Variants in PXK observed in about 807,000 individuals in gnomAD.
The protein encoded by PXK is PX domain-containing protein kinase-like protein.
A neutral mutation model predicts 84.7 loss-of-function variants in PXK; 35 were observed. The observed-to-expected ratio is 0.41, with a 90% CI of 0.32 to 0.55. The LOEUF is 0.55. PXK is among the 20% of genes least tolerant of loss of function. The probability of loss-of-function intolerance (pLI) is 0.21; values close to 1 mark genes in which losing one functional copy is unlikely to be tolerated. For missense variants in PXK, 634 were observed against 699.7 expected, an observed-to-expected ratio of 0.91 and a Z score of 1.06; for synonymous variants, 253 against 260.8, an observed-to-expected ratio of 0.97 and a Z score of 0.29.
chr3:58,406,178 G>A (rs1172615561), intron 13 of PXK, among the ~76,000 whole-genome samples: 2 of 152,080 alleles, frequency 1.3e-5, no homozygotes, highest in African/African-American at 2.4e-5. Flanking sequence ...TGTTGGTCAG[G>A]CTGGTCTCGA....
At chr3:58,372,564 T>G (rs2098390787) in intron 3 of PXK, among the ~76,000 whole-genome samples, 1 of 151,818 alleles carries the variant, frequency 6.6e-6, no homozygotes, top group African/African-American at 2.4e-5. Context: ...CCTTGTGATC[T>G]GCCTGCCTCG....
At chr3:58,394,115 G>A (rs1457887333) in intron 7 of PXK, among the ~76,000 whole-genome samples, 1 of 152,172 alleles carries the variant, frequency 6.6e-6, no homozygotes, top group Non-Finnish European at 1.5e-5. Context: ...ATGATCAGGA[G>A]AACTTCATGA....
At chr3:58,345,259 A>G (rs1407740512) in intron 1 of PXK, among the ~76,000 whole-genome samples, 1 of 152,162 alleles carries the variant, frequency 6.6e-6, no homozygotes, top group Non-Finnish European at 1.5e-5. Context: ...TTTTAGAGAA[A>G]ACGTTCTAAA....
chr3:58,419,198 ACT>A (rs1184296014), intron 17 of PXK, among the ~76,000 whole-genome samples: 2 of 152,118 alleles, frequency 1.3e-5, no homozygotes, highest in Admixed American at 1.3e-4. Context: ...TATGGGCAGG[ACT>A]CTCTCTGGAA....
At chr3:58,359,101 T>C (rs1440604184) in intron 1 of PXK, among the ~76,000 whole-genome samples, 2 of 152,190 alleles carry the variant, frequency 1.3e-5, no homozygotes, top group East Asian at 3.8e-4. Context: ...GGCAGCAACA[T>C]CTTCATAAAA....
chr3:58,393,979 G>A (rs1405244278), intron 7 of PXK, among the ~76,000 whole-genome samples: 1 of 152,162 alleles, frequency 6.6e-6, no homozygotes. Flanking sequence ...TAGATTGTAT[G>A]ATGGTTGTAT....
In PXK at chr3:58,397,078, C is replaced by T. The variant is rs1422930862; in HGVS notation, c.862C>T (p.His288Tyr). 6.2e-7 allele frequency: 1 copy of T among 1,614,210 alleles called. No individual in the cohort carries two copies. Among genetic ancestry groups the T allele is most frequent in the Non-Finnish European group, 8.5e-7 (1 of 1,180,022 alleles). Residue 288 changes from histidine to tyrosine, a missense_variant, in exon 10 of 18, where the codon CAT (histidine) becomes TAT (tyrosine). Coordinates refer to ENST00000356151, the MANE Select transcript of PXK (RefSeq NM_017771.5). This position sits in a 1 kb window ranked among gnomAD's most constrained non-coding sequence, Gnocchi z 4.7. ...FLHDKGFPYG[H>Y]LHASNVMLDG... ...TCATGACAAGGGATTCCCTTATGGG[C>T]ATCTTCACGCCTCCAATGTGATGCT...
chr3:58,374,264 G>A (rs770209603), intron 3 of PXK, among the ~76,000 whole-genome samples: 1 of 150,150 alleles, frequency 6.7e-6, no homozygotes, highest in East Asian at 2.0e-4. Flanking sequence ...TCCACCTCCC[G>A]GGTTCAAGCG....
intron 17 of PXK, among the ~76,000 whole-genome samples, chr3:58,415,150 A>G (rs1191742903): frequency 6.6e-6 from 1 of 152,206 alleles, no homozygotes; most frequent in African/African-American, 2.4e-5. Flanking sequence ...ACCAAATGTC[A>G]GGGTGTGGGG....
chr3:58,424,018 G>A (rs1244981554), intron 17 of PXK, among the ~76,000 whole-genome samples: 1 of 152,132 alleles, frequency 6.6e-6, no homozygotes, highest in African/African-American at 2.4e-5. Context: ...TTCCTTGGTT[G>A]GGCCACAATG....
intron 4 of PXK, among the ~76,000 whole-genome samples, chr3:58,388,471 G>A (rs528553723): frequency 1.3e-5 from 2 of 152,244 alleles, no homozygotes; most frequent in East Asian, 3.9e-4. Flanking sequence ...TTCCTTTTAA[G>A]TTTCTTTATG....
Position 58,421,183 on chromosome 3 carries a change from C to G in PXK, c.1529-3569C>G. The G allele has an allele frequency of 1.0e-6, 1 of 985,366 alleles. No homozygotes were observed. Among genetic ancestry groups the G allele is most frequent in the Non-Finnish European group, 1.2e-6 (1 of 829,922 alleles). The allele number at this position is 985,366 out of a possible 1,614,324, so 61.0% of individuals were successfully genotyped here. ...AAGTCTGGTGTTACCCTAGTGTGGTCTCATGGCCACTTGGCCTCCCTTCCT... is the reference window on the plus strand; with the variant it reads ...AAGTCTGGTGTTACCCTAGTGTGGTGTCATGGCCACTTGGCCTCCCTTCCT... On this transcript the variant is annotated intron_variant, in intron 17 of 17. Coordinates refer to ENST00000356151, the MANE Select transcript of PXK (RefSeq NM_017771.5). The surrounding 1 kb of genome is among the most constrained non-coding windows in gnomAD (Gnocchi z 5.5).
chr3:58,422,730 G>A (rs1029407144), intron 17 of PXK: 6 of 985,248 alleles, frequency 6.1e-6, no homozygotes, highest in Non-Finnish European at 7.2e-6. Context: ...CAAGATGGCA[G>A]CCCCTACCCC....
At chr3:58,359,580 G>A (rs371027985) in intron 1 of PXK, among the ~76,000 whole-genome samples, 5 of 151,054 alleles carry the variant, frequency 3.3e-5, no homozygotes, top group Non-Finnish European at 7.4e-5. Flanking sequence ...TGAAGCAATC[G>A]ATGCGCAAAG....
intron 7 of PXK, among the ~76,000 whole-genome samples, 196 bp downstream of exon 7, chr3:58,392,043 T>C (rs2098636787): frequency 6.6e-6 from 1 of 152,152 alleles, no homozygotes; most frequent in East Asian, 1.9e-4. Context: ...GCACAACCCA[T>C]GAAACATAGT....
chr3:58,336,071 A>ATATATATATATATATTT (rs1284780630), intron 1 of PXK, among the ~76,000 whole-genome samples: 13 of 51,572 alleles, frequency 2.5e-4, no homozygotes, highest in Non-Finnish European at 3.6e-4. Context: ...ATATATATAT[A>ATATATATATATATATTT]TTTTTTTTTT....
In PXK at chr3:58,398,303, A is replaced by C. The variant is rs1186819987; in HGVS notation, c.1102+581A>C. Among the ~76,000 whole-genome samples, 1 of 152,208 alleles carries C rather than the reference A, an allele frequency of 6.6e-6. No individual in the cohort carries two copies. The highest frequency in any genetic ancestry group is 1.5e-5 in the Non-Finnish European group (1 of 68,034). ...GTAATCCCAGCTTTTTGGGAGGCTG[A>C]GGCACGAGAATTGCTTGAACCCGCC... On this transcript the variant is annotated intron_variant, in intron 11 of 17. Transcript: ENST00000356151. This position sits in a 1 kb window ranked among gnomAD's most constrained non-coding sequence, Gnocchi z 4.5.
At chr3:58,374,290 C>T (rs1319278507) in intron 3 of PXK, among the ~76,000 whole-genome samples, 1 of 151,636 alleles carries the variant, frequency 6.6e-6, no homozygotes, top group African/African-American at 2.4e-5. Flanking sequence ...CCTGCCTCAG[C>T]CTCCCAAGTT....
intron 17 of PXK, chr3:58,420,588 T>C (rs1166243477): frequency 5.9e-6 from 9 of 1,535,944 alleles, no homozygotes; most frequent in Admixed American, 2.0e-5. Context: ...ACTATGCTGA[T>C]TTCTCAGACT....
Sources: gnomAD v4.1 joint callset for allele counts (sites outside exome capture counted in the v4.1 genomes callset) on GRCh38, gnomAD v4.1.1 for gene constraint, Gnocchi (gnomAD v3.1) non-coding constraint, MANE v1.5 for transcripts, NCBI Gene and HGNC (gene_info 2026-07-23, HGNC 2026-07-21) for gene names.